The following CDC42BPG variants were observed in gnomAD, a reference collection of about 807,000 sequenced individuals.
The protein encoded by CDC42BPG is serine/threonine-protein kinase MRCK gamma.
Under a neutral mutation model 192.2 loss-of-function variants are expected in CDC42BPG, and 157 were observed. The ratio of observed to expected loss-of-function variants is 0.82; its 90% CI spans 0.72 to 0.93. CDC42BPG has a LOEUF of 0.93. CDC42BPG is among the 40% of genes least tolerant of loss of function. The probability of loss-of-function intolerance (pLI) is 0.00; values close to 1 mark genes in which losing one functional copy is unlikely to be tolerated. For missense variants in CDC42BPG, 1,992 were observed against 2,122.1 expected (o/e 0.94, Z 1.20); for synonymous variants, 981 against 918.5 (o/e 1.07, Z -1.23).
At chr11:64,841,600 C>T in intron 3 of CDC42BPG, 50 bp downstream of exon 3, 1 of 1,534,010 alleles carries the variant, frequency 6.5e-7, no homozygotes, top group Non-Finnish European at 9.0e-7. Context: ...ATACACCTCC[C>T]CCACACCCAT....
At position 64,832,434 on chromosome 11, in the gene CDC42BPG, G is replaced by T; in HGVS notation, c.3081C>A (p.Ile1027=). Residue 1027 remains isoleucine, a synonymous_variant, in exon 27 of 37, where the codon ATC becomes ATA. Transcript: ENST00000342711. ...TCTCATCCCAGGCACTCACCCTAAA[G>T]ATGCGTGGCAGGTCCCTGGATTGGG... is the stretch of plus-strand genomic sequence containing the variant. ...IHAQSRDLPR[I]FRVTTSQLAV... 1 of 1,613,878 alleles carries T rather than the reference G, an allele frequency of 6.2e-7. No individual in the cohort carries two copies. The highest frequency in any genetic ancestry group is 2.2e-5 in the East Asian group (1 of 44,878).
intron 9 of CDC42BPG, 41 bp from the exon 10 acceptor site, chr11:64,837,060 A>C: frequency 2.0e-5 from 30 of 1,481,380 alleles, no homozygotes; most frequent in Non-Finnish European, 2.5e-5. Flanking sequence ...TAGAAACCTC[A>C]CCCCACAGAG....
At chr11:64,833,109 G>A (rs1942782364) in intron 24 of CDC42BPG, 122 bp downstream of exon 24, 1 of 1,292,240 alleles carries the variant, frequency 7.7e-7, no homozygotes. Context: ...AAGGAACAAA[G>A]CTGAGCAGGA....
intron 28 of CDC42BPG, among the ~76,000 whole-genome samples, chr11:64,830,617 CCCTCT>C (rs900336916): frequency 3.3e-5 from 5 of 152,208 alleles, no homozygotes; most frequent in African/African-American, 1.2e-4. Flanking sequence ...AAATCCCCTC[CCCTCT>C]GGTTCCCGAC....
In CDC42BPG at chr11:64,833,318, G is replaced by T. The variant is rs71539680; in HGVS notation, c.2644C>A (p.Arg882Ser). The T allele has an allele frequency of 6.5e-7, 1 of 1,532,600 alleles. No individual in the cohort carries two copies. Among genetic ancestry groups the T allele is most frequent in the South Asian group, 1.2e-5 (1 of 82,458 alleles). The allele number at this position is 1,532,600 out of a possible 1,614,324, so 94.9% of individuals were successfully genotyped here. A position where few individuals can be genotyped will look rare whatever the true frequency, so the allele number is the denominator to read the frequency against. ...LPAKPGSHTL[R>S]PRSFPSPTKC... Reference sequence around the variant, plus strand: ...GTCGGGGATGGGAAGCTCCGGGGGCGCAGCGTGTGTGAGCCGGGCTGGGGA... The same window carrying T: ...GTCGGGGATGGGAAGCTCCGGGGGCTCAGCGTGTGTGAGCCGGGCTGGGGA... The change falls in exon 24 of 37, where the codon CGC becomes AGC. Residue 882 changes from arginine (R) to serine (S), a missense_variant. Physicochemically the swap from Arg to Ser is moderately radical, Grantham distance 110 (BLOSUM62 -1). Coordinates refer to ENST00000342711, the MANE Select transcript of CDC42BPG (RefSeq NM_017525.3).
At chr11:64,835,326 C>T (rs773290345) in intron 16 of CDC42BPG, 21 bp downstream of exon 16, 37 of 1,613,062 alleles carry the variant, frequency 2.3e-5, no homozygotes, top group East Asian at 4.5e-5. Context: ...TTGTACCCTC[C>T]GTCTGTTGTA....
chr11:64,832,307 A>G, intron 27 of CDC42BPG, 121 bp downstream of exon 27: 1 of 1,032,016 alleles, frequency 9.7e-7, no homozygotes, highest in South Asian at 1.4e-5. Flanking sequence ...GCTCACGTGG[A>G]AAGCGTGCTG....
intron 1 of CDC42BPG, among the ~76,000 whole-genome samples, chr11:64,842,824 G>C (rs1226528261): frequency 6.6e-6 from 1 of 152,146 alleles, no homozygotes; most frequent in Non-Finnish European, 1.5e-5. Context: ...GGCAGCTGTG[G>C]TCTGGCGCCC....
At position 64,839,543 on chromosome 11, in the gene CDC42BPG, C is replaced by A; in HGVS notation, c.610G>T (p.Asp204Tyr). Residue 204 changes from aspartate (D) to tyrosine (Y), a missense_variant, in exon 6 of 37, where the codon GAT becomes TAT. This residue lies in a region of CDC42BPG where 1,656 missense variants were observed against 1,844.3 expected (regional missense o/e 0.90). Transcript: ENST00000342711. The stretch of plus-strand genomic sequence containing the variant: ...GCCAGGCGAATGTGCCCGTTCACAT[C>A]CAGCAGGACGTTGTCTGGCTTGACA... The part of the protein sequence containing the change: ...RDVKPDNVLL[D>Y]VNGHIRLADF... 1.9e-6 allele frequency: 3 copies of A among 1,613,020 alleles called. No individual in the cohort carries two copies. The highest frequency in any genetic ancestry group is 2.5e-6 in the Non-Finnish European group (3 of 1,179,944).
intron 8 of CDC42BPG, among the ~76,000 whole-genome samples, chr11:64,838,399 C>T (rs1305612467): frequency 1.3e-5 from 2 of 152,200 alleles, no homozygotes; most frequent in Non-Finnish European, 2.9e-5. Context: ...AGAGGCCCTT[C>T]CCTTGACACA....
intron 20 of CDC42BPG, 30 bp from the exon 21 acceptor site, chr11:64,834,007 G>GGGTCCCTGGCCTGA: frequency 6.2e-7 from 1 of 1,614,092 alleles, no homozygotes; most frequent in Non-Finnish European, 8.5e-7. Flanking sequence ...CACTGGCCTG[G>GGGTCCCTGGCCTGA]GGTCCCTGGC....
chr11:64,829,765 G>C lies in CDC42BPG; in HGVS notation c.3673C>G (p.Pro1225Ala). The C allele has an allele frequency of 6.2e-7, 1 of 1,600,492 alleles. No individual in the cohort carries two copies. ...AGCCCCAGGCTCTGCACAGTGGCAG[G>C]TGCCTGCAGCTCACGGATGCGGCGC... ...WQRRIRELQA[P>A]ATVQSLGLLG... is the part of the protein sequence containing the mutation. The change falls in exon 30 of 37, where the codon CCT (proline) becomes GCT (alanine). Residue 1225 changes from proline to alanine, a missense_variant. Physicochemically the swap from Pro to Ala is conservative, Grantham distance 27. Coordinates refer to ENST00000342711, the MANE Select transcript of CDC42BPG (RefSeq NM_017525.3).
Position 64,829,814 on chromosome 11 carries a change from C to T in CDC42BPG, c.3624G>A (p.Leu1208=). The T allele has an allele frequency of 6.2e-7, 1 of 1,604,588 alleles. No homozygotes were observed. Among genetic ancestry groups the T allele is most frequent in the Non-Finnish European group, 8.5e-7 (1 of 1,177,246 alleles). ...AVKRQVLCYQ[L]GPGPGPWQRR... ...GCTGCCAGGGCCCAGGGCCCGGGCC[C>T]AGCTGGTAGCAGAGCACCTGGCGCT... The change falls in exon 30 of 37, where the codon CTG becomes CTA. Residue 1208 remains leucine (L), a synonymous_variant. Transcript: ENST00000342711.
At chr11:64,843,878 G>T (rs1303923479) in intron 1 of CDC42BPG, among the ~76,000 whole-genome samples, 1 of 152,198 alleles carries the variant, frequency 6.6e-6, no homozygotes. Context: ...GGGTGTGTGT[G>T]TTGGTGGGGG....
At position 64,836,438 on chromosome 11, in the gene CDC42BPG, G is replaced by A. The variant is rs766844235; in HGVS notation, c.1477C>T (p.Arg493Ter). Residue 493 changes from arginine to a stop codon, truncating the protein, a stop_gained, in exon 12 of 37, where the codon CGA (arginine) becomes TGA (stop). Transcript: ENST00000342711. LOFTEE classifies it high-confidence loss of function. The part of the protein sequence containing the change: ...QDSDLRQELD[R>*]LHRELAEGRA... ...CACCCAGCCCTCACCCGGTGAAGTC[G>A]GTCAAGCTCCTGCCGTAGGTCACTG... is the stretch of plus-strand genomic sequence containing the variant. 6 of 1,612,216 alleles carry A rather than the reference G, an allele frequency of 3.7e-6. No homozygotes were observed. Among genetic ancestry groups the A allele is most frequent in the South Asian group, 1.1e-5 (1 of 91,036 alleles).
At position 64,841,846 on chromosome 11, in the gene CDC42BPG, G is replaced by A. The variant is rs1413241132; in HGVS notation, c.219C>T (p.Ile73=). 1 of 1,614,006 alleles carries A rather than the reference G, an allele frequency of 6.2e-7. No individual in the cohort carries two copies. The highest frequency in any genetic ancestry group is 8.5e-7 in the Non-Finnish European group (1 of 1,180,002). Residue 73 remains isoleucine, a synonymous_variant, in exon 2 of 37, where the codon ATC becomes ATT. Coordinates refer to ENST00000342711, the MANE Select transcript of CDC42BPG (RefSeq NM_017525.3). ...AGGCTCCTCGGCCGATCACCTTCAA[G>A]ATCTCAAAGTCATCTCTCTGCAGAC... ...ELRLQRDDFE[I]LKVIGRGAFG...
rs981390404 is a variant in CDC42BPG, at chr11:64,824,099, C to A, written c.*374G>T. ...GGAGTCAGACAGTCCACAGATAAGA[C>A]CTCCAACCTGTTCCCAGAGACCCAG... On this transcript the variant is annotated 3_prime_UTR_variant, in exon 37 of 37. Transcript: ENST00000342711. 5 of 325,530 alleles carry A rather than the reference C, an allele frequency of 1.5e-5. No individual in the cohort carries two copies. Among genetic ancestry groups the A allele is most frequent in the African/African-American group, 1.1e-4 (5 of 45,052 alleles). 20.2% of individuals were successfully genotyped at this position (325,530 alleles called of 1,614,324 possible).
chr11:64,834,969 T>C lies in CDC42BPG; in HGVS notation c.2061-6A>G, dbSNP rs374550517. The C allele has an allele frequency of 2.0e-5, 33 of 1,613,752 alleles. No homozygotes were observed. Among genetic ancestry groups the C allele is most frequent in the African/African-American group, 2.7e-5 (2 of 74,928 alleles). On this transcript the variant is annotated splice_region_variant and splice_polypyrimidine_tract_variant and intron_variant, in intron 17 of 36. Coordinates refer to ENST00000342711, the MANE Select transcript of CDC42BPG (RefSeq NM_017525.3). ...AGACCTTCTCATCATTCACCCTGAA[T>C]GGGAAGGGGCTCAGGGTCATGGGCT...
At chr11:64,833,461 G>A (rs996475887) in intron 23 of CDC42BPG, 125 bp from the exon 24 acceptor site, 19 of 984,688 alleles carry the variant, frequency 1.9e-5, no homozygotes, top group Middle Eastern at 3.2e-4. Flanking sequence ...AATCTATGGC[G>A]GCAGGCAAGC....
Sources: allele counts gnomAD v4.1 joint callset (sites outside exome capture counted in the v4.1 genomes callset), GRCh38; gene constraint gnomAD v4.1.1; regional missense constraint gnomAD v4.1.1; transcripts MANE v1.5; gene names NCBI Gene and HGNC (gene_info 2026-07-23, HGNC 2026-07-21).